KIF9: variants seen among roughly 807,000 people sequenced by gnomAD.
The protein encoded by KIF9 is kinesin-like protein KIF9.
A neutral mutation model predicts 94.8 loss-of-function variants in KIF9; 68 were observed. That is an observed-to-expected ratio of 0.72 (90% CI 0.59 to 0.88). KIF9 has a LOEUF of 0.88. Ranked by LOEUF, KIF9 falls within the 40% of genes least tolerant of loss-of-function variation. The pLI is 0.00. For synonymous variants in KIF9, 343 were observed against 362.1 expected (o/e 0.95, Z 0.60); for missense variants, 882 against 982.5 (o/e 0.90, Z 1.37).
chr3:47,277,385 A>C lies in KIF9; in HGVS notation c.-5-6T>G. The C allele has an allele frequency of 6.2e-7, 1 of 1,601,924 alleles. No individual in the cohort carries two copies. The highest frequency in any genetic ancestry group is 8.6e-7 in the Non-Finnish European group (1 of 1,169,334). On this transcript the variant is annotated splice_region_variant and splice_polypyrimidine_tract_variant and intron_variant, in intron 1 of 20. Coordinates refer to ENST00000684063, the MANE Select transcript of KIF9 (RefSeq NM_182902.4). Reference sequence around the variant, plus strand: ...TTTCCTAGTACCCATTCTAGCTAAAAAGAAGGGAACAATGAAATTTTGAGT... The same window carrying C: ...TTTCCTAGTACCCATTCTAGCTAAACAGAAGGGAACAATGAAATTTTGAGT...
intron 4 of KIF9, among the ~76,000 whole-genome samples, chr3:47,272,714 G>C (rs922592975): frequency 6.6e-6 from 1 of 151,946 alleles, no homozygotes; most frequent in Non-Finnish European, 1.5e-5. Flanking sequence ...TTAAAATGTG[G>C]TTACTGGAAA....
intron 4 of KIF9, among the ~76,000 whole-genome samples, chr3:47,272,630 CG>C (rs1296567609): frequency 6.6e-6 from 1 of 151,666 alleles, no homozygotes; most frequent in Non-Finnish European, 1.5e-5. Flanking sequence ...TGATTACATG[CG>C]GAAATATTTT....
At chr3:47,228,837 A>G in intron 20 of KIF9, 135 bp from the exon 21 acceptor site, 9 of 721,548 alleles carry the variant, frequency 1.2e-5, no homozygotes, top group Non-Finnish European at 2.0e-5. Flanking sequence ...ATTCCTTCTG[A>G]GTAGCCCCAA....
chr3:47,271,801 C>T (rs185758901), intron 4 of KIF9, among the ~76,000 whole-genome samples: 5 of 152,204 alleles, frequency 3.3e-5, no homozygotes, highest in East Asian at 3.9e-4. Context: ...AGGAGCAATA[C>T]GTATTTGTGG....
At position 47,275,427 on chromosome 3, in the gene KIF9, AG is replaced by A. The variant is rs1701900307; in HGVS notation, c.156del (p.Trp53GlyfsTer51). On this transcript the variant is annotated frameshift_variant, in exon 3 of 21. Transcript: ENST00000684063. LOFTEE classifies it high-confidence loss of function. ...RRGVVNNQQT[D>X]WSFKLDGVLH... The stretch of plus-strand genomic sequence containing the variant: ...AGAACTCCATCCAACTTAAACGACC[AG>A]TCTGTCTGTTGGTTATTGACAACTC... 1 of 1,613,340 alleles carries A rather than the reference AG, an allele frequency of 6.2e-7. No homozygotes were observed. The highest frequency in any genetic ancestry group is 1.3e-5 in the African/African-American group (1 of 74,946).
chr3:47,262,076 A>G (rs762401467), intron 9 of KIF9, among the ~76,000 whole-genome samples: 1 of 152,058 alleles, frequency 6.6e-6, no homozygotes, highest in Non-Finnish European at 1.5e-5. Context: ...TGGGCAGAGA[A>G]CCCAAGTGGT....
chr3:47,236,528 G>A lies in KIF9; in HGVS notation c.2016C>T (p.Ser672=), dbSNP rs376957774. ...TGAGGTCACGCAGGTCCTGGTACTC[G>A]CTGCGGTACTGCTTCTTGAGGTCTT... is the stretch of plus-strand genomic sequence containing the variant. The part of the protein sequence containing the change: ...KLKDLKKQYR[S]EYQDLRDLRA... Residue 672 remains serine, a synonymous_variant, in exon 18 of 21, where the codon AGC becomes AGT. Coordinates refer to ENST00000684063, the MANE Select transcript of KIF9 (RefSeq NM_182902.4). 11 of 1,613,744 alleles carry A rather than the reference G, an allele frequency of 6.8e-6. No individual in the cohort carries two copies. Among genetic ancestry groups the A allele is most frequent in the South Asian group, 3.3e-5 (3 of 91,080 alleles).
Position 47,241,004 on chromosome 3 carries a change from G to T in KIF9, c.1721C>A (p.Pro574Gln). The T allele has an allele frequency of 6.2e-7, 1 of 1,614,098 alleles. No homozygotes were observed. The highest frequency in any genetic ancestry group is 8.5e-7 in the Non-Finnish European group (1 of 1,179,974). ...CTCAAAGGCCACTGGTTTGGAGGGT[G>T]GGGTGTCGGGCCTTGAGATGAAAAG... ...EELRPIRPDT[P>Q]PSKPVAFEEF... is the part of the protein sequence containing the mutation. The change falls in exon 17 of 21, where the codon CCA (proline) becomes CAA (glutamine). Residue 574 changes from proline (P) to glutamine (Q), a missense_variant. Coordinates refer to ENST00000684063, the MANE Select transcript of KIF9 (RefSeq NM_182902.4).
rs1252852021 is a variant in KIF9 at position 47,259,688 on chromosome 3, C to T, written c.982-2128G>A. On this transcript the variant is annotated intron_variant, in intron 9 of 20. Coordinates refer to ENST00000684063, the MANE Select transcript of KIF9 (RefSeq NM_182902.4). The stretch of plus-strand genomic sequence containing the variant: ...ACCCCCAACCCCGTGCTCTCTGAAA[C>T]GTGTGCTGTGTCAACTCAGAGTTAA... 1.8e-4 allele frequency among the ~76,000 whole-genome samples: 27 copies of T among 149,008 alleles called. 1 individual carries two copies. In the South Asian group the frequency reaches 3.5e-3, roughly 19 times the overall value.
intron 3 of KIF9, among the ~76,000 whole-genome samples, chr3:47,274,705 C>T (rs1480615006): frequency 7.9e-5 from 12 of 152,372 alleles, no homozygotes; most frequent in Admixed American, 7.2e-4. Flanking sequence ...CTGTCTTCAC[C>T]TCCTCAAGGT....
intron 17 of KIF9, chr3:47,239,970 A>C: frequency 7.4e-7 from 1 of 1,355,848 alleles, no homozygotes; most frequent in African/African-American, 1.5e-5. Context: ...GTGGCCTCTG[A>C]ACCACCTGTC....
intron 10 of KIF9, among the ~76,000 whole-genome samples, chr3:47,249,536 C>T (rs1700136353): frequency 6.6e-6 from 1 of 152,148 alleles, no homozygotes; most frequent in Non-Finnish European, 1.5e-5. Flanking sequence ...TGTAGAATAA[C>T]ACAGTGATCT....
intron 10 of KIF9, 130 bp from the exon 11 acceptor site, chr3:47,248,216 G>C: frequency 1.4e-6 from 1 of 727,204 alleles, no homozygotes; most frequent in Non-Finnish European, 2.4e-6. Flanking sequence ...GGATCCACAG[G>C]GTATGCTTTC....
At chr3:47,255,570 A>G (rs62248908) in intron 10 of KIF9, among the ~76,000 whole-genome samples, 22,176 of 152,088 alleles carry the variant, frequency 0.15, 1,937 homozygotes, top group East Asian at 0.23. Context: ...TTAGAGCAGC[A>G]GTTCTCAAAT....
At chr3:47,279,186 A>ACG (rs1364621485) in intron 1 of KIF9, among the ~76,000 whole-genome samples, 9 of 143,212 alleles carry the variant, frequency 6.3e-5, no homozygotes, top group Non-Finnish European at 9.2e-5. Context: ...AAAAAAACTA[A>ACG]CGTGGGCCAA....
At position 47,282,575 on chromosome 3, in the gene KIF9, T is replaced by C. The variant is rs1307458401; in HGVS notation, c.-86A>G. On this transcript the variant is annotated 5_prime_UTR_variant, in exon 1 of 21. Coordinates refer to ENST00000684063, the MANE Select transcript of KIF9 (RefSeq NM_182902.4). The stretch of plus-strand genomic sequence containing the variant: ...CACTCCCCACGCGGGGCTGCCTGGC[T>C]GTGTACATAGTCGCCATGGCAACGG... 9 of 1,057,832 alleles carry C rather than the reference T, an allele frequency of 8.5e-6. No homozygotes were observed. In the African/African-American group the frequency reaches 1.5e-4, roughly 18 times the overall value. 65.5% of individuals were successfully genotyped at this position (1,057,832 alleles called of 1,614,324 possible). A position where few individuals can be genotyped will look rare whatever the true frequency, so the allele number is the denominator to read the frequency against.
chr3:47,241,186 T>C (rs1699452026), intron 16 of KIF9, among the ~76,000 whole-genome samples, 171 bp from the exon 17 acceptor site: 2 of 152,202 alleles, frequency 1.3e-5, no homozygotes, highest in African/African-American at 2.4e-5. Flanking sequence ...TCCTCTTTGT[T>C]TTACTCAGCA....
intron 1 of KIF9, among the ~76,000 whole-genome samples, chr3:47,280,632 T>C (rs1702267954): frequency 6.6e-6 from 1 of 152,172 alleles, no homozygotes; most frequent in Non-Finnish European, 1.5e-5. Context: ...ACTTGAGCAG[T>C]GATGGCACAC....
At chr3:47,258,594 T>C (rs968995659) in intron 9 of KIF9, among the ~76,000 whole-genome samples, 1 of 152,184 alleles carries the variant, frequency 6.6e-6, no homozygotes, top group Non-Finnish European at 1.5e-5. Flanking sequence ...TTTGGTGCTG[T>C]TCTCATGGTA....
Sources: allele counts gnomAD v4.1 joint callset (sites outside exome capture counted in the v4.1 genomes callset), GRCh38; gene constraint gnomAD v4.1.1; transcripts MANE v1.5; gene names NCBI Gene and HGNC (gene_info 2026-07-23, HGNC 2026-07-21).